Variants in ERLIN2 observed in about 807,000 individuals in gnomAD.
ERLIN2 encodes erlin-2.
In ERLIN2, 22 loss-of-function variants were observed where a neutral mutation model predicts 41.5. The ratio of observed to expected loss-of-function variants is 0.53; its 90% CI spans 0.38 to 0.76. The LOEUF is 0.76. Among genes scored for constraint, ERLIN2 ranks in the 30% least tolerant of loss-of-function variants. The probability of loss-of-function intolerance (pLI) is 0.00; values close to 1 mark genes in which losing one functional copy is unlikely to be tolerated. For synonymous variants in ERLIN2, 149 were observed against 150.9 expected (o/e 0.99, Z 0.09); for missense variants, 247 against 414.3 (o/e 0.60, Z 3.51).
intron 4 of ERLIN2, among the ~76,000 whole-genome samples, chr8:37,743,814 A>C (rs931745069): frequency 3.3e-5 from 5 of 152,182 alleles, no homozygotes; most frequent in Admixed American, 6.5e-5. Flanking sequence ...AAAAAAGGTC[A>C]ATAAATAAGG....
chr8:37,756,169 A>G lies in ERLIN2; in HGVS notation c.*2054A>G, dbSNP rs1355226036. 1 of 152,236 alleles carries G rather than the reference A, an allele frequency of 6.6e-6. No homozygotes were observed. The highest frequency in any genetic ancestry group is 1.9e-4 in the East Asian group (1 of 5,200). The allele number at this position is 152,236 out of a possible 1,614,324, so 9.4% of individuals were successfully genotyped here. On this transcript the variant is annotated 3_prime_UTR_variant, in exon 12 of 12. Coordinates refer to ENST00000519638, the MANE Select transcript of ERLIN2 (RefSeq NM_007175.8). ...ATGCCATCCCACTCTAGCTTGGGCAATAGAGCAAGGCTCCGTCTCAAGAAA... is the reference window on the plus strand; with the variant it reads ...ATGCCATCCCACTCTAGCTTGGGCAGTAGAGCAAGGCTCCGTCTCAAGAAA...
At chr8:37,749,976 G>A in intron 8 of ERLIN2, 124 bp downstream of exon 8, 1 of 885,732 alleles carries the variant, frequency 1.1e-6, no homozygotes, top group Non-Finnish European at 1.9e-6. Context: ...ATTTGCTACA[G>A]CCCATTGCAC....
Position 37,747,774 on chromosome 8 carries a change from C to T in ERLIN2, c.425-1785C>T, listed in dbSNP as rs753367662. 7 of 1,612,476 alleles carry T rather than the reference C, an allele frequency of 4.3e-6. No homozygotes were observed. The East Asian group carries it at 1.3e-4, about 31-fold the overall frequency. The stretch of plus-strand genomic sequence containing the variant: ...CAATGCCTTCAGGTCTCCGCAGATA[C>T]ATAGTCTCTTCGTCTTCTGTGTTAC... On this transcript the variant is annotated intron_variant, in intron 6 of 11. Coordinates refer to ENST00000519638, the MANE Select transcript of ERLIN2 (RefSeq NM_007175.8).
Position 37,740,366 on chromosome 8 carries a change from G to A in ERLIN2, c.109G>A (p.Gly37Ser). The A allele has an allele frequency of 6.2e-7, 1 of 1,611,420 alleles. No individual in the cohort carries two copies. Among genetic ancestry groups the A allele is most frequent in the Non-Finnish European group, 8.5e-7 (1 of 1,178,236 alleles). Residue 37 changes from glycine to serine, a missense_variant and splice_region_variant, in exon 3 of 12, where the codon GGC (glycine) becomes AGC (serine). Physicochemically the swap from Gly to Ser is moderately conservative, Grantham distance 56 (BLOSUM62 0). Transcript: ENST00000519638. Reference sequence around the variant, plus strand: ...CTCTCTCTTCCCCCTCCTCTGCAGAGGCGGTGCCCTGCTGACTTCGACCAG... The same window carrying A: ...CTCTCTCTTCCCCCTCCTCTGCAGAAGCGGTGCCCTGCTGACTTCGACCAG... ...EEGHIGVYYR[G>S]GALLTSTSGP...
At chr8:37,742,353 A>AAAT (rs914905417) in intron 4 of ERLIN2, among the ~76,000 whole-genome samples, 2 of 151,974 alleles carry the variant, frequency 1.3e-5, no homozygotes, top group African/African-American at 4.8e-5. Context: ...AAAAAAAAAA[A>AAAT]AAAAGAAGTG....
chr8:37,756,101 A>G lies in ERLIN2; in HGVS notation c.*1986A>G, dbSNP rs1158644910. The G allele has an allele frequency of 1.3e-5, 2 of 152,256 alleles. No individual in the cohort carries two copies. Among genetic ancestry groups the G allele is most frequent in the African/African-American group, 2.4e-5 (1 of 41,412 alleles). The allele number at this position is 152,256 out of a possible 1,614,324, so 9.4% of individuals were successfully genotyped here. A position where few individuals can be genotyped will look rare whatever the true frequency, so the allele number is the denominator to read the frequency against. On this transcript the variant is annotated 3_prime_UTR_variant, in exon 12 of 12. Coordinates refer to ENST00000519638, the MANE Select transcript of ERLIN2 (RefSeq NM_007175.8). Reference sequence around the variant, plus strand: ...CTACTTGGGAGGCTGAGGCAGGAGAATTGCTTGAACTCGGGAGGCAGAGGT... The same window carrying G: ...CTACTTGGGAGGCTGAGGCAGGAGAGTTGCTTGAACTCGGGAGGCAGAGGT...
chr8:37,744,270 C>A (rs1407438730), intron 4 of ERLIN2, 85 bp from the exon 5 acceptor site: 31 of 1,157,164 alleles, frequency 2.7e-5, no homozygotes, highest in Non-Finnish European at 3.8e-5. Context: ...TTCTGCCAAG[C>A]CCCACATCTT....
At chr8:37,742,015 C>T (rs1802866620) in intron 4 of ERLIN2, among the ~76,000 whole-genome samples, 197 bp downstream of exon 4, 1 of 152,056 alleles carries the variant, frequency 6.6e-6, no homozygotes, top group African/African-American at 2.4e-5. Flanking sequence ...GGCTAGAATG[C>T]TGTATGTGAT....
intron 1 of ERLIN2, chr8:37,737,671 G>C: frequency 1.9e-6 from 1 of 514,644 alleles, no homozygotes; most frequent in South Asian, 2.0e-5. Flanking sequence ...AGCAACGGCT[G>C]TATCCGGAGC....
intron 1 of ERLIN2, chr8:37,737,324 T>C (rs1802685255): frequency 5.7e-6 from 1 of 176,902 alleles, no homozygotes; most frequent in Non-Finnish European, 1.2e-5. Context: ...AGCCCTGTCC[T>C]GTTTAGGGCC....
chr8:37,754,356 C>A lies in ERLIN2; in HGVS notation c.*241C>A. On this transcript the variant is annotated 3_prime_UTR_variant, in exon 12 of 12. Coordinates refer to ENST00000519638, the MANE Select transcript of ERLIN2 (RefSeq NM_007175.8). The stretch of plus-strand genomic sequence containing the variant: ...TCCAATAAGATTTGTAAATCATGGG[C>A]TTGACCTTTGACCTCTAGACACTAA... 1 of 516,076 alleles carries A rather than the reference C, an allele frequency of 1.9e-6. No homozygotes were observed. The highest frequency in any genetic ancestry group is 3.5e-6 in the Non-Finnish European group (1 of 285,634). The allele number at this position is 516,076 out of a possible 1,614,324, so 32.0% of individuals were successfully genotyped here. A position where few individuals can be genotyped will look rare whatever the true frequency, so the allele number is the denominator to read the frequency against.
Position 37,753,817 on chromosome 8 carries a change from G to T in ERLIN2, c.820-98G>T, listed in dbSNP as rs568218595. On this transcript the variant is annotated intron_variant, in intron 11 of 11. Coordinates refer to ENST00000519638, the MANE Select transcript of ERLIN2 (RefSeq NM_007175.8). The stretch of plus-strand genomic sequence containing the variant: ...GTAACAATGAGACCACAAAAAGTAG[G>T]TAGGGGCATAAATATAGGAAAATTG... The T allele has an allele frequency of 3.9e-6, 4 of 1,027,510 alleles. No homozygotes were observed. The Admixed American group carries it at 5.8e-5, about 15-fold the overall frequency. 63.6% of individuals were successfully genotyped at this position (1,027,510 alleles called of 1,614,324 possible).
intron 6 of ERLIN2, among the ~76,000 whole-genome samples, chr8:37,748,418 C>T (rs776726448): frequency 5.9e-5 from 9 of 152,206 alleles, no homozygotes; most frequent in Non-Finnish European, 1.0e-4. Context: ...ATTTCTCCTT[C>T]GGTGCTCAGA....
chr8:37,747,370 A>G, intron 6 of ERLIN2: 3 of 1,418,904 alleles, frequency 2.1e-6, no homozygotes, highest in South Asian at 1.1e-5. Context: ...GGTCCCCTTC[A>G]TTTTCACTTT....
rs551685502 is a variant in ERLIN2 at position 37,741,987 on chromosome 8, C to T, written c.236+169C>T. Reference sequence around the variant, plus strand: ...GGTGATGGAGTGCAGTAGAGGAAATCATAGAAGGTTCAGGAGGGGCTAGAA... The same window carrying T: ...GGTGATGGAGTGCAGTAGAGGAAATTATAGAAGGTTCAGGAGGGGCTAGAA... On this transcript the variant is annotated intron_variant, in intron 4 of 11. Coordinates refer to ENST00000519638, the MANE Select transcript of ERLIN2 (RefSeq NM_007175.8). The surrounding 1 kb of genome is among the most constrained non-coding windows in gnomAD (Gnocchi z 4.8). 6.6e-6 allele frequency among the ~76,000 whole-genome samples: 1 copy of T among 152,226 alleles called. No homozygotes were observed. Among genetic ancestry groups the T allele is most frequent in the Admixed American group, 6.5e-5 (1 of 15,290 alleles).
In ERLIN2 at chr8:37,740,416, C is replaced by T. The variant is rs866735282; in HGVS notation, c.159C>T (p.Leu53=). Residue 53 remains leucine, a synonymous_variant, in exon 3 of 12, where the codon CTC becomes CTT. Transcript: ENST00000519638. ...GCGGCCCTGGTTTCCATCTCATGCT[C>T]CCTTTCATCACATCATATAAGTCTG... is the stretch of plus-strand genomic sequence containing the variant. ...STSGPGFHLM[L]PFITSYKSVQ... is the part of the protein sequence containing the mutation. 1.2e-6 allele frequency: 2 copies of T among 1,613,118 alleles called. No homozygotes were observed. Among genetic ancestry groups the T allele is most frequent in the African/African-American group, 1.3e-5 (1 of 74,858 alleles).
At chr8:37,750,834 G>A (rs1244725045) in intron 9 of ERLIN2, among the ~76,000 whole-genome samples, 7 of 151,886 alleles carry the variant, frequency 4.6e-5, no homozygotes, top group Non-Finnish European at 8.8e-5. Context: ...TGATTCTCCT[G>A]TCTCAGCCTC....
At position 37,750,588 on chromosome 8, in the gene ERLIN2, A is replaced by G. The variant is rs190998899; in HGVS notation, c.649+102A>G. 141 of 931,696 alleles carry G rather than the reference A, an allele frequency of 1.5e-4. 1 individual carries two copies. The highest frequency in any genetic ancestry group is 1.0e-3 in the Admixed American group (59 of 58,328). 57.7% of individuals were successfully genotyped at this position (931,696 alleles called of 1,614,324 possible). On this transcript the variant is annotated intron_variant, in intron 9 of 11. Transcript: ENST00000519638. Reference sequence around the variant, plus strand: ...CCTGGTGAGACCCCATGGTCCTCCAAACCACTTCCACAGCACAGGAGTGGC... The same window carrying G: ...CCTGGTGAGACCCCATGGTCCTCCAGACCACTTCCACAGCACAGGAGTGGC...
intron 10 of ERLIN2, among the ~76,000 whole-genome samples, chr8:37,752,174 A>G (rs1803233417): frequency 6.6e-6 from 1 of 152,220 alleles, no homozygotes; most frequent in Non-Finnish European, 1.5e-5. Flanking sequence ...AGGTTTGAAG[A>G]AGACAGATTT....
Sources: gnomAD v4.1 joint callset for allele counts (sites outside exome capture counted in the v4.1 genomes callset) on GRCh38, gnomAD v4.1.1 for gene constraint, Gnocchi (gnomAD v3.1) non-coding constraint, MANE v1.5 for transcripts, NCBI Gene and HGNC (gene_info 2026-07-23, HGNC 2026-07-21) for gene names.